Variants in BPI observed in about 807,000 individuals in gnomAD.
BPI encodes the protein bactericidal permeability-increasing protein.
In BPI, 48 loss-of-function variants were observed where a neutral mutation model predicts 57.6. That is an observed-to-expected ratio of 0.83 (90% confidence interval 0.66 to 1.06). BPI has a LOEUF of 1.06. BPI is among the 50% of genes least tolerant of loss of function. The pLI is 0.00. For synonymous variants in BPI, 237 were observed against 238.2 expected (o/e 0.99, Z 0.05); for missense variants, 651 against 609.7 (o/e 1.07, Z -0.71).
chr20:38,311,800 A>T, intron 4 of BPI, 74 bp from the exon 5 acceptor site: 4 of 1,480,816 alleles, frequency 2.7e-6, no homozygotes, highest in Non-Finnish European at 3.8e-6. Flanking sequence ...AGCTTTTGAG[A>T]TGAGGCAGCC....
chr20:38,319,132 G>C (rs1307561851), intron 6 of BPI, among the ~76,000 whole-genome samples: 1 of 152,168 alleles, frequency 6.6e-6, no homozygotes, highest in Non-Finnish European at 1.5e-5. Context: ...CTACTTAGGA[G>C]GCTGAGGCAG....
chr20:38,312,615 G>A (rs567976328), intron 5 of BPI, among the ~76,000 whole-genome samples: 252 of 152,342 alleles, frequency 1.7e-3, no homozygotes, highest in Non-Finnish European at 2.7e-3. Context: ...ATGCAAATGG[G>A]TGACTTGGCC....
rs369174253 is a variant in BPI at position 38,330,140 on chromosome 20, G to A, written c.1230-908G>A. 6.2e-4 allele frequency among the ~76,000 whole-genome samples: 95 copies of A among 152,250 alleles called. No homozygotes were observed. The South Asian group carries it at 7.9e-3, about 13-fold the overall frequency. On this transcript the variant is annotated intron_variant, in intron 11 of 14. Coordinates refer to ENST00000642449, the MANE Select transcript of BPI (RefSeq NM_001725.3). ...AGCTACCTGGGAGGCTGAGGTGGGA[G>A]GATCACCTGAGCCCAGGGAGGTTGA...
chr20:38,323,454 G>A (rs926425482), intron 7 of BPI, among the ~76,000 whole-genome samples: 12 of 152,186 alleles, frequency 7.9e-5, no homozygotes, highest in South Asian at 2.1e-4. Flanking sequence ...GTTTACCGAC[G>A]AAACAAACAG....
At chr20:38,327,351 T>G (rs1176060842) in intron 10 of BPI, among the ~76,000 whole-genome samples, 1 of 151,700 alleles carries the variant, frequency 6.6e-6, no homozygotes, top group Non-Finnish European at 1.5e-5. Context: ...TCTCCGAGAG[T>G]GGCCCAAGAA....
chr20:38,329,802 T>G (rs2076733507), intron 11 of BPI, among the ~76,000 whole-genome samples: 1 of 152,054 alleles, frequency 6.6e-6, no homozygotes, highest in Admixed American at 6.5e-5. Flanking sequence ...AACCCCTGCC[T>G]CCCGGGTTCA....
Position 38,314,469 on chromosome 20 carries a change from A to C in BPI, c.600+2532A>C, listed in dbSNP as rs531728524. ...TATAATGATGATGGTGATGGTGGGG[A>C]TGATGATAATGATGGTGATGGTGAT... On this transcript the variant is annotated intron_variant, in intron 5 of 14. Transcript: ENST00000642449. 3.1e-5 allele frequency among the ~76,000 whole-genome samples: 4 copies of C among 128,582 alleles called. No individual in the cohort carries two copies. In the East Asian group the frequency reaches 1.1e-3, roughly 34 times the overall value. 84.4% of individuals were successfully genotyped at this position (128,582 alleles called of 152,430 possible). A position where few individuals can be genotyped will look rare whatever the true frequency, so the allele number is the denominator to read the frequency against.
In BPI at chr20:38,326,139, A is replaced by C. The variant is rs140700431; in HGVS notation, c.994-126A>C. The C allele has an allele frequency of 1.2e-4, 122 of 1,031,480 alleles. 1 individual carries two copies. In the African/African-American group the frequency reaches 1.7e-3, roughly 15 times the overall value. 63.9% of individuals were successfully genotyped at this position (1,031,480 alleles called of 1,614,324 possible). ...GCCAGCTGGCAGACTGTGCAATCTT[A>C]GGATTTATTCTAAGAGCAATGGGAA... On this transcript the variant is annotated intron_variant, in intron 9 of 14. Coordinates refer to ENST00000642449, the MANE Select transcript of BPI (RefSeq NM_001725.3).
chr20:38,320,851 G>GGA (rs2076678265), intron 7 of BPI, among the ~76,000 whole-genome samples: 5 of 127,064 alleles, frequency 3.9e-5, no homozygotes, highest in Admixed American at 1.6e-4. Flanking sequence ...GGATGGATTA[G>GGA]TGGATGGATA....
intron 5 of BPI, among the ~76,000 whole-genome samples, chr20:38,314,239 AGAT>A (rs1375869834): frequency 3.3e-5 from 3 of 91,754 alleles, no homozygotes; most frequent in African/African-American, 1.3e-4. Context: ...ATGGTGGGGA[AGAT>A]GATGATGATG....
chr20:38,308,884 C>G (rs761854241), intron 2 of BPI, 46 bp from the exon 3 acceptor site: 73 of 1,611,580 alleles, frequency 4.5e-5, no homozygotes, highest in Non-Finnish European at 5.8e-5. Context: ...ATGTGTGCAC[C>G]TAGGAGTATA....
At chr20:38,312,896 G>C (rs1316872706) in intron 5 of BPI, among the ~76,000 whole-genome samples, 1 of 152,232 alleles carries the variant, frequency 6.6e-6, no homozygotes, top group Non-Finnish European at 1.5e-5. Context: ...GGGTTTTAGA[G>C]TCCCATGGCA....
intron 3 of BPI, among the ~76,000 whole-genome samples, 180 bp from the exon 4 acceptor site, chr20:38,310,311 G>A (rs1213222473): frequency 6.6e-6 from 1 of 152,184 alleles, no homozygotes; most frequent in Non-Finnish European, 1.5e-5. Context: ...ATTCAGGTTG[G>A]ATTCCTGACT....
chr20:38,307,067 C>T (rs74534525), intron 1 of BPI, among the ~76,000 whole-genome samples: 166 of 151,942 alleles, frequency 1.1e-3, no homozygotes, highest in African/African-American at 3.4e-3. Context: ...GGTGTGGTGG[C>T]GAACACCTGT....
intron 11 of BPI, among the ~76,000 whole-genome samples, chr20:38,330,195 A>G (rs913090970): frequency 3.9e-5 from 6 of 152,058 alleles, no homozygotes; most frequent in African/African-American, 1.2e-4. Flanking sequence ...TTTGCTGTGT[A>G]GTGCAGCTGT....
At chr20:38,308,865 G>A (rs1270199056) in intron 2 of BPI, 65 bp from the exon 3 acceptor site, 35 of 1,592,164 alleles carry the variant, frequency 2.2e-5, no homozygotes, top group South Asian at 1.3e-4. Flanking sequence ...AACCATTAAC[G>A]AAGTCCTCAT....
At chr20:38,324,731 G>T in intron 8 of BPI, 43 bp from the exon 9 acceptor site, 1 of 1,538,492 alleles carries the variant, frequency 6.5e-7, no homozygotes, top group Non-Finnish European at 9.0e-7. Context: ...TGCTCCGTCT[G>T]TAACAGCATC....
At chr20:38,326,860 C>A (rs934161115) in intron 10 of BPI, among the ~76,000 whole-genome samples, 1 of 152,212 alleles carries the variant, frequency 6.6e-6, no homozygotes, top group Non-Finnish European at 1.5e-5. Context: ...CACTTGCACT[C>A]ATTTATTCAA....
intron 14 of BPI, 142 bp from the exon 15 acceptor site, chr20:38,337,004 A>C (rs146247390): frequency 1.0e-5 from 6 of 591,120 alleles, no homozygotes; most frequent in Admixed American, 3.5e-5. Context: ...GCAGCGAAAC[A>C]CTGAGTGACC....
Sources: allele counts gnomAD v4.1 joint callset (sites outside exome capture counted in the v4.1 genomes callset), GRCh38; gene constraint gnomAD v4.1.1; transcripts MANE v1.5; gene names NCBI Gene and HGNC (gene_info 2026-07-23, HGNC 2026-07-21).